NRIP1: variants seen among roughly 807,000 people sequenced by gnomAD.
NRIP1 encodes the protein nuclear receptor interacting protein 1, also known as nuclear receptor-interacting protein 1.
In NRIP1, 28 loss-of-function variants were observed where a neutral mutation model predicts 75.0. That is an observed-to-expected ratio of 0.37 (90% confidence interval 0.28 to 0.51). The LOEUF (loss-of-function observed/expected upper bound fraction) is 0.51. Among genes scored for constraint, NRIP1 ranks in the 20% least tolerant of loss-of-function variants. NRIP1 has a pLI of 0.92. For missense variants in NRIP1, 1,435 were observed against 1,343.7 expected (o/e 1.07, Z -1.06); for synonymous variants, 526 against 487.6 (o/e 1.08, Z -1.04).
chr21:15,025,108 G>A lies in NRIP1; in HGVS notation c.-457-10642C>T, dbSNP rs181593319. Among the ~76,000 whole-genome samples the A allele has an allele frequency of 1.2e-4, 19 of 152,240 alleles. No individual in the cohort carries two copies. The East Asian group carries it at 3.7e-3, about 29-fold the overall frequency. On this transcript the variant is annotated intron_variant, in intron 2 of 3. Coordinates refer to ENST00000318948, the MANE Select transcript of NRIP1 (RefSeq NM_003489.4). ...GGCATCCACAAAAAGATGCACTGTGGTGTGCAATGTAGAAATCGATGTGGG... is the reference window on the plus strand; with the variant it reads ...GGCATCCACAAAAAGATGCACTGTGATGTGCAATGTAGAAATCGATGTGGG...
intron 2 of NRIP1, among the ~76,000 whole-genome samples, chr21:15,039,046 A>G (rs1397848043): frequency 6.6e-6 from 1 of 152,156 alleles, no homozygotes. Context: ...TAAAGGAGAG[A>G]GGAAAAAGAG....
intron 3 of NRIP1, among the ~76,000 whole-genome samples, chr21:14,988,870 G>A (rs1344119091): frequency 2.4e-4 from 37 of 152,104 alleles, no homozygotes; most frequent in Non-Finnish European, 1.2e-4. Flanking sequence ...AGAGGAGTCA[G>A]TATTCTGAGA....
At chr21:14,988,847 C>A (rs190112027) in intron 3 of NRIP1, among the ~76,000 whole-genome samples, 23 of 152,120 alleles carry the variant, frequency 1.5e-4, no homozygotes, top group African/African-American at 5.3e-4. Context: ...GGCCACATTT[C>A]AGATTAGTGC....
rs776062033 is a variant in NRIP1 at position 14,966,386 on chromosome 21, T to TAAGGTCCATTGA, written c.1795_1806dup (p.Ser599_Leu602dup). The TAAGGTCCATTGA allele has an allele frequency of 6.2e-7, 1 of 1,614,072 alleles. No individual in the cohort carries two copies. Among genetic ancestry groups the TAAGGTCCATTGA allele is most frequent in the Non-Finnish European group, 8.5e-7 (1 of 1,179,984 alleles). On this transcript the variant is annotated inframe_insertion, in exon 4 of 4. Transcript: ENST00000318948. ...TCTCCTGGTGGGTCTTTGCTTTTTG[T>TAAGGTCCATTGA]AAGGTCCATTGAGTGGTTAGATGCA...
Position 14,980,932 on chromosome 21 carries a change from A to G in NRIP1, c.-334-12406T>C, listed in dbSNP as rs187728291. 2.9e-3 allele frequency among the ~76,000 whole-genome samples: 447 copies of G among 152,346 alleles called. 3 individuals carry two copies. Among genetic ancestry groups the G allele is most frequent in the African/African-American group, 9.9e-3 (412 of 41,560 alleles). On this transcript the variant is annotated intron_variant, in intron 3 of 3. Transcript: ENST00000318948. ...AATTATCAAATTAAATACTATTGAA[A>G]TGACTTATATGACATCACTCTAGTC...
chr21:15,023,256 C>T (rs1055420768), intron 2 of NRIP1, among the ~76,000 whole-genome samples: 8 of 152,098 alleles, frequency 5.3e-5, no homozygotes, highest in Non-Finnish European at 1.2e-4. Flanking sequence ...TGACTATTCA[C>T]CTAATACTTA....
At chr21:15,007,150 C>T (rs1257123577) in intron 3 of NRIP1, among the ~76,000 whole-genome samples, 1 of 152,126 alleles carries the variant, frequency 6.6e-6, no homozygotes, top group African/African-American at 2.4e-5. Flanking sequence ...AGAAGCTGGC[C>T]TTTATCTGGT....
intron 3 of NRIP1, among the ~76,000 whole-genome samples, chr21:14,998,375 GAAA>G (rs2087779550): frequency 6.6e-6 from 1 of 152,192 alleles, no homozygotes; most frequent in African/African-American, 2.4e-5. Flanking sequence ...TGAATTTCTT[GAAA>G]AGTCAGCATT....
intron 2 of NRIP1, among the ~76,000 whole-genome samples, chr21:15,029,498 T>C (rs990807200): frequency 7.2e-5 from 11 of 152,212 alleles, no homozygotes; most frequent in African/African-American, 2.7e-4. Flanking sequence ...TCAATTTTTA[T>C]TTAGCACTTA....
chr21:14,984,584 T>C (rs2087340532), intron 3 of NRIP1, among the ~76,000 whole-genome samples: 1 of 152,174 alleles, frequency 6.6e-6, no homozygotes, highest in Admixed American at 6.5e-5. Context: ...TCTGTAAATA[T>C]AAACTTAGTA....
intron 3 of NRIP1, among the ~76,000 whole-genome samples, chr21:14,993,721 G>T (rs1168593173): frequency 6.6e-6 from 1 of 152,032 alleles, no homozygotes; most frequent in South Asian, 2.1e-4. Flanking sequence ...GGAAGTTGAG[G>T]CTGCAGTGAG....
At chr21:15,065,024 G>C (rs1017143049), upstream of NRIP1, 3 of 154,086 alleles carry the variant, frequency 1.9e-5, no homozygotes, top group African/African-American at 7.3e-5. Flanking sequence ...TGAGCGCCTC[G>C]CTCACCGCCC....
rs1568941170 is a variant in NRIP1, at chr21:14,967,444, C to CT, written c.748dup (p.Arg250LysfsTer3). 1 of 1,613,990 alleles carries CT rather than the reference C, an allele frequency of 6.2e-7. No homozygotes were observed. Among genetic ancestry groups the CT allele is most frequent in the Admixed American group, 1.7e-5 (1 of 59,986 alleles). The stretch of plus-strand genomic sequence containing the variant: ...TTTAGGTGAGGTGGCAGGACTAGCC[C>CT]TTTTTTCCACCATGCTTGCAACAGC... On this transcript the variant is annotated frameshift_variant, in exon 4 of 4. Transcript: ENST00000318948. LOFTEE classifies it high-confidence loss of function.
chr21:15,004,052 T>C (rs1391846758), intron 3 of NRIP1, among the ~76,000 whole-genome samples: 2 of 152,162 alleles, frequency 1.3e-5, no homozygotes, highest in African/African-American at 2.4e-5. Context: ...CCTAAAAATA[T>C]GTATCTTAAT....
At chr21:14,990,402 T>C (rs2087536776) in intron 3 of NRIP1, among the ~76,000 whole-genome samples, 1 of 152,144 alleles carries the variant, frequency 6.6e-6, no homozygotes, top group South Asian at 2.1e-4. Flanking sequence ...GCAATGCAAA[T>C]ACTAATGCCC....
At chr21:14,993,326 A>G (rs2087624052) in intron 3 of NRIP1, among the ~76,000 whole-genome samples, 1 of 151,996 alleles carries the variant, frequency 6.6e-6, no homozygotes, top group Non-Finnish European at 1.5e-5. Context: ...ACTAGATACC[A>G]CTCCAATCCA....
chr21:14,973,321 C>T (rs1257554790), intron 3 of NRIP1, among the ~76,000 whole-genome samples: 1 of 151,718 alleles, frequency 6.6e-6, no homozygotes, highest in Admixed American at 6.6e-5. Context: ...AATTCTGCAA[C>T]TCTCATGAGG....
chr21:15,018,867 A>G (rs2088299559), intron 2 of NRIP1, among the ~76,000 whole-genome samples: 1 of 152,120 alleles, frequency 6.6e-6, no homozygotes, highest in African/African-American at 2.4e-5. Context: ...CTAGTGTTGA[A>G]AAGAAGTGGT....
At chr21:14,984,323 T>C (rs2087329820) in intron 3 of NRIP1, among the ~76,000 whole-genome samples, 1 of 151,180 alleles carries the variant, frequency 6.6e-6, no homozygotes, top group Non-Finnish European at 1.5e-5. Context: ...GGTAAATTTC[T>C]GTAACCTCAT....
Sources: allele counts gnomAD v4.1 joint callset (sites outside exome capture counted in the v4.1 genomes callset), GRCh38; gene constraint gnomAD v4.1.1; transcripts MANE v1.5; gene names NCBI Gene and HGNC (gene_info 2026-07-23, HGNC 2026-07-21).